Variants in APP observed in about 807,000 individuals in gnomAD.
APP encodes amyloid beta precursor protein.
APP carries 31 observed loss-of-function variants against 101.4 expected under a neutral mutation model. That is an observed-to-expected ratio of 0.31 (90% CI 0.23 to 0.41). The LOEUF is 0.41. Ranked by LOEUF, APP falls within the 10% of genes least tolerant of loss-of-function variation. APP has a pLI of 1.00. For missense variants in APP, 839 were observed against 1,003.7 expected, an observed-to-expected ratio of 0.84 and a Z score of 2.22; for synonymous variants, 366 against 364.4, an observed-to-expected ratio of 1.00 and a Z score of -0.05.
rs141051331 is a variant in APP, at chr21:26,140,256, C to A, written c.58-28110G>T. The A allele has an allele frequency of 2.3e-4, 360 of 1,535,974 alleles. 5 individuals carry two copies. The East Asian group carries it at 8.7e-3, about 37-fold the overall frequency. The stretch of plus-strand genomic sequence containing the variant: ...ATTACATCAGCAACTGTGGAATACT[C>A]CCTGAGATCAACAAACTGTTAACTG... On this transcript the variant is annotated intron_variant, in intron 1 of 17. Transcript: ENST00000346798.
At chr21:25,899,976 C>T (rs934309539) in intron 15 of APP, among the ~76,000 whole-genome samples, 1 of 152,092 alleles carries the variant, frequency 6.6e-6, no homozygotes, top group African/African-American at 2.4e-5. Context: ...TAACCCTCAA[C>T]CCCCAACTTC....
intron 7 of APP, 92 bp downstream of exon 7, chr21:25,999,923 C>G: frequency 6.9e-7 from 1 of 1,458,710 alleles, no homozygotes; most frequent in Middle Eastern, 2.2e-4. Context: ...CAGGCCCATT[C>G]CCAAGAACCA....
chr21:25,968,799 T>A (rs1057463345), intron 11 of APP, among the ~76,000 whole-genome samples: 1 of 152,192 alleles, frequency 6.6e-6, no homozygotes, highest in Admixed American at 6.5e-5. Context: ...GAATATACGG[T>A]AGAATTTGTT....
intron 13 of APP, among the ~76,000 whole-genome samples, chr21:25,946,701 T>A (rs1288825660): frequency 6.9e-6 from 1 of 144,012 alleles, no homozygotes; most frequent in South Asian, 2.2e-4. Context: ...AAAAATAAAA[T>A]TAAGAAAGTA....
At chr21:26,028,970 T>C (rs1230444258) in intron 5 of APP, among the ~76,000 whole-genome samples, 1 of 152,082 alleles carries the variant, frequency 6.6e-6, no homozygotes, top group Non-Finnish European at 1.5e-5. Context: ...GGAAGAGCCA[T>C]GTGAACTAAA....
At chr21:26,027,624 CA>C (rs1387496973) in intron 5 of APP, among the ~76,000 whole-genome samples, 1 of 152,038 alleles carries the variant, frequency 6.6e-6, no homozygotes, top group East Asian at 1.9e-4. Context: ...AAATAGAACT[CA>C]GGGGAAAGGC....
chr21:26,014,396 T>C (rs893002596), intron 6 of APP, among the ~76,000 whole-genome samples: 8 of 152,260 alleles, frequency 5.3e-5, no homozygotes, highest in Non-Finnish European at 8.8e-5. Context: ...CAATACAAGC[T>C]ACTCTGATTT....
At chr21:26,084,159 G>A (rs558250784) in intron 3 of APP, among the ~76,000 whole-genome samples, 2 of 151,252 alleles carry the variant, frequency 1.3e-5, no homozygotes, top group South Asian at 4.2e-4. Flanking sequence ...AGGCAATTAT[G>A]GAACTTGGGA....
At chr21:26,026,940 T>A (rs918345520) in intron 5 of APP, among the ~76,000 whole-genome samples, 5 of 152,228 alleles carry the variant, frequency 3.3e-5, no homozygotes, top group Non-Finnish European at 1.5e-5. Flanking sequence ...TGCAAGTGTA[T>A]GAACAGGGAG....
chr21:25,997,483 C>T (rs1350080506), intron 7 of APP, 67 bp from the exon 8 acceptor site: 2 of 1,392,640 alleles, frequency 1.4e-6, no homozygotes, highest in Non-Finnish European at 2.0e-6. Flanking sequence ...GGCTGAAATG[C>T]ACGAGTCCAC....
intron 17 of APP, among the ~76,000 whole-genome samples, chr21:25,889,532 TTAAA>T (rs1292045866): frequency 1.3e-5 from 2 of 152,130 alleles, no homozygotes; most frequent in African/African-American, 2.4e-5. Context: ...GAGAATTATA[TTAAA>T]TAAACTAAAA....
At chr21:25,983,482 T>C (rs545607920) in intron 8 of APP, among the ~76,000 whole-genome samples, 1 of 152,326 alleles carries the variant, frequency 6.6e-6, no homozygotes, top group African/African-American at 2.4e-5. Context: ...AGGACTTCAA[T>C]GAGAAGAATT....
At chr21:25,928,445 A>AAC (rs922059830) in intron 13 of APP, among the ~76,000 whole-genome samples, 4 of 151,670 alleles carry the variant, frequency 2.6e-5, no homozygotes, top group East Asian at 1.9e-4. Flanking sequence ...CACACACACA[A>AAC]ACACACACAC....
chr21:26,025,015 G>A (rs1036157435), intron 5 of APP, among the ~76,000 whole-genome samples: 2 of 152,262 alleles, frequency 1.3e-5, no homozygotes, highest in East Asian at 1.9e-4. Context: ...AGACTAGGAC[G>A]AAATAGGTGA....
rs114761836 is a variant in APP, at chr21:26,029,414, C to G, written c.663-7372G>C. Among the ~76,000 whole-genome samples, 915 of 152,156 alleles carry G rather than the reference C, an allele frequency of 6.0e-3. 11 individuals are homozygous for G. Among genetic ancestry groups the G allele is most frequent in the African/African-American group, 0.02 (851 of 41,514 alleles). On this transcript the variant is annotated intron_variant, in intron 5 of 17. Transcript: ENST00000346798. Reference sequence around the variant, plus strand: ...ACCTGTATAAATGCAAAATTACTGCCCTGATAACAATTACATACAGCCAGA... The same window carrying G: ...ACCTGTATAAATGCAAAATTACTGCGCTGATAACAATTACATACAGCCAGA...
chr21:25,937,906 A>C (rs755609915), intron 13 of APP: 14 of 152,178 alleles, frequency 9.2e-5, no homozygotes, highest in Non-Finnish European at 1.6e-4. Flanking sequence ...ACTAGCTGGG[A>C]TTACAGGTGT....
At chr21:26,011,264 C>T (rs1376467204) in intron 6 of APP, among the ~76,000 whole-genome samples, 1 of 151,884 alleles carries the variant, frequency 6.6e-6, no homozygotes, top group African/African-American at 2.4e-5. Context: ...TTAGTAGAGA[C>T]GGGGTTTCAC....
rs2040043343 is a variant in APP, at chr21:25,929,371, A to AAATAAT, written c.1688-17415_1688-17410dup. 1.3e-5 allele frequency among the ~76,000 whole-genome samples: 2 copies of AAATAAT among 152,216 alleles called. 1 individual carries two copies. The highest frequency in any genetic ancestry group is 4.1e-4 in the South Asian group (2 of 4,830). Reference sequence around the variant, plus strand: ...AATTCATTTACAATTCTAACAGCAGAAATAATCAAGAGTAGTGGTTTTTTT... The same window carrying AAATAAT: ...AATTCATTTACAATTCTAACAGCAGAAATAATAATAATCAAGAGTAGTGGTTTTTTT... On this transcript the variant is annotated intron_variant, in intron 13 of 17. Transcript: ENST00000346798.
At chr21:25,890,872 T>C (rs2037650099) in intron 17 of APP, among the ~76,000 whole-genome samples, 1 of 152,286 alleles carries the variant, frequency 6.6e-6, no homozygotes, top group East Asian at 1.9e-4. Flanking sequence ...CAATAAATCT[T>C]TCAGCTCTAA....
Sources: allele counts gnomAD v4.1 joint callset (sites outside exome capture counted in the v4.1 genomes callset), GRCh38; gene constraint gnomAD v4.1.1; transcripts MANE v1.5; gene names NCBI Gene and HGNC (gene_info 2026-07-23, HGNC 2026-07-21).